The following RBM44 variants were observed in gnomAD, a reference collection of about 807,000 sequenced individuals.
The protein encoded by RBM44 is RNA binding motif protein 44.
In RBM44, 66 loss-of-function variants were observed where a neutral mutation model predicts 105.1. The ratio of observed to expected loss-of-function variants is 0.63; its 90% CI spans 0.52 to 0.77. The LOEUF (loss-of-function observed/expected upper bound fraction) is 0.77. RBM44 is among the 30% of genes least tolerant of loss of function. The pLI, the probability that RBM44 is intolerant of heterozygous loss-of-function variation, is 0.00. For synonymous variants in RBM44, 365 were observed against 417.6 expected, an observed-to-expected ratio of 0.87 and a Z score of 1.54; for missense variants, 1,122 against 1,207.8, an observed-to-expected ratio of 0.93 and a Z score of 1.05.
At chr2:237,821,398 T>G in intron 7 of RBM44, 30 bp downstream of exon 7, 1 of 1,492,498 alleles carries the variant, frequency 6.7e-7, no homozygotes. Context: ...GATTTATAAT[T>G]CATTAGATCC....
intron 13 of RBM44, 29 bp downstream of exon 13, chr2:237,829,531 G>A (rs766824872): frequency 1.3e-6 from 2 of 1,580,056 alleles, no homozygotes; most frequent in Non-Finnish European, 1.7e-6. Context: ...TCCCTTAAAT[G>A]GTCTTTGTAC....
At chr2:237,821,411 A>G in intron 7 of RBM44, 43 bp downstream of exon 7, 1 of 1,417,750 alleles carries the variant, frequency 7.1e-7, no homozygotes, top group Non-Finnish European at 9.6e-7. Flanking sequence ...TTAGATCCTA[A>G]AAATTGCTTA....
chr2:237,823,863 A>G (rs1299503726), intron 9 of RBM44, among the ~76,000 whole-genome samples: 1 of 152,182 alleles, frequency 6.6e-6, no homozygotes, highest in Non-Finnish European at 1.5e-5. Context: ...ACATGAAAAG[A>G]GATTATGATC....
chr2:237,827,574 A>G, intron 12 of RBM44, 71 bp downstream of exon 12: 2 of 870,912 alleles, frequency 2.3e-6, no homozygotes, highest in Non-Finnish European at 3.7e-6. Context: ...TATACCAGAT[A>G]TCAGCCACAG....
rs1230743387 is a variant in RBM44, at chr2:237,820,336, G to A, written c.1898G>A (p.Arg633Lys). 6.3e-7 allele frequency: 1 copy of A among 1,583,770 alleles called. No individual in the cohort carries two copies. Among genetic ancestry groups the A allele is most frequent in the Non-Finnish European group, 8.6e-7 (1 of 1,162,608 alleles). ...CDIYKLVMEN[R>K]EGLNMNLSSN... The stretch of plus-strand genomic sequence containing the variant: ...ATTTACAAACTTGTCATGGAAAATA[G>A]GGAAGGATTAAATATGTGTTTATTA... Residue 633 changes from arginine (R) to lysine (K), a missense_variant, in exon 5 of 16, where the codon AGG (arginine) becomes AAG (lysine). Coordinates refer to ENST00000316997, the MANE Select transcript of RBM44 (RefSeq NM_001080504.3).
chr2:237,816,916 C>T, intron 2 of RBM44, 77 bp from the exon 3 acceptor site: 1 of 886,036 alleles, frequency 1.1e-6, no homozygotes, highest in South Asian at 2.2e-5. Flanking sequence ...GAGCTTAAAC[C>T]AGATCATGTC....
At position 237,818,314 on chromosome 2, in the gene RBM44, T is replaced by G; in HGVS notation, c.1395T>G (p.Asn465Lys). 6.2e-7 allele frequency: 1 copy of G among 1,613,398 alleles called. No individual in the cohort carries two copies. Among genetic ancestry groups the G allele is most frequent in the African/African-American group, 1.3e-5 (1 of 75,016 alleles). The change falls in exon 3 of 16, where the codon AAT (asparagine) becomes AAG (lysine). Residue 465 changes from asparagine to lysine, a missense_variant. Transcript: ENST00000316997. This position sits in a 1 kb window ranked among gnomAD's most constrained non-coding sequence, Gnocchi z 4.6. ...TDAASCTVTI[N>K]QTVDVSTDFR... ...CAGCAAGTTGTACAGTCACAATTAA[T>G]CAGACAGTGGACGTTAGCACTGATT...
chr2:237,827,389 TG>T, intron 11 of RBM44, 43 bp from the exon 12 acceptor site: 2 of 1,459,986 alleles, frequency 1.4e-6, no homozygotes, highest in Non-Finnish European at 1.9e-6. Flanking sequence ...TCATATTTGT[TG>T]TTTTTTTCTA....
intron 1 of RBM44, among the ~76,000 whole-genome samples, chr2:237,802,750 TCA>T (rs2061558497): frequency 6.6e-6 from 1 of 152,186 alleles, no homozygotes; most frequent in Non-Finnish European, 1.5e-5. Flanking sequence ...GAAAACAGGC[TCA>T]GTCATTACTG....
chr2:237,804,082 C>A (rs1287435337), intron 1 of RBM44, among the ~76,000 whole-genome samples: 1 of 152,042 alleles, frequency 6.6e-6, no homozygotes, highest in Admixed American at 6.6e-5. Context: ...GTTGGCCAGG[C>A]TGGTCTCAAA....
intron 1 of RBM44, among the ~76,000 whole-genome samples, 163 bp downstream of exon 1, chr2:237,799,024 C>T (rs2061516063): frequency 6.6e-6 from 1 of 151,768 alleles, no homozygotes; most frequent in Non-Finnish European, 1.5e-5. Context: ...GCGGTGTAGG[C>T]GAGGCCAGCG....
At position 237,817,083 on chromosome 2, in the gene RBM44, ATTC is replaced by A; in HGVS notation, c.168_170del (p.Ser57del). ...TTGACTTTTCCTGATGATGACTGGAATTCTTCGACACTAGAGCAAAGAGCTAAT... is the reference window on the plus strand; with the variant it reads ...TTGACTTTTCCTGATGATGACTGGAATTCGACACTAGAGCAAAGAGCTAAT... On this transcript the variant is annotated inframe_deletion, in exon 3 of 16. Transcript: ENST00000316997. 6.2e-7 allele frequency: 1 copy of A among 1,605,698 alleles called. No individual in the cohort carries two copies. The highest frequency in any genetic ancestry group is 1.1e-5 in the South Asian group (1 of 90,174).
At chr2:237,838,629 T>A (rs577306686) in intron 15 of RBM44, among the ~76,000 whole-genome samples, 1 of 152,318 alleles carries the variant, frequency 6.6e-6, no homozygotes, top group Admixed American at 6.5e-5. Flanking sequence ...GAGTAAGATG[T>A]TCTGTGTTGG....
chr2:237,823,312 T>C lies in RBM44; in HGVS notation c.2206-128T>C, dbSNP rs192460061. The stretch of plus-strand genomic sequence containing the variant: ...TCTCTCACATGTCAGGTCAGGTTGA[T>C]AATGTTTTCCTTTCAGAGCCCTCAT... On this transcript the variant is annotated intron_variant, in intron 8 of 15. Coordinates refer to ENST00000316997, the MANE Select transcript of RBM44 (RefSeq NM_001080504.3). 223 of 544,054 alleles carry C rather than the reference T, an allele frequency of 4.1e-4. 2 individuals carry two copies. Among genetic ancestry groups the C allele is most frequent in the African/African-American group, 4.1e-3 (212 of 51,934 alleles). The allele number at this position is 544,054 out of a possible 1,614,324, so 33.7% of individuals were successfully genotyped here.
Position 237,803,324 on chromosome 2 carries a change from CT to C in RBM44, c.-19+4464del, listed in dbSNP as rs769860152. Reference sequence around the variant, plus strand: ...CGAGACACACACACACACACATACTCTCTCTCTCACACACACACACATACTT... The same window carrying C: ...CGAGACACACACACACACACATACTCCTCTCTCACACACACACACATACTT... On this transcript the variant is annotated intron_variant, in intron 1 of 15. Transcript: ENST00000316997. This position sits in a 1 kb window ranked among gnomAD's most constrained non-coding sequence, Gnocchi z 4.2. Among the ~76,000 whole-genome samples the C allele has an allele frequency of 1.6e-4, 24 of 150,730 alleles. No individual in the cohort carries two copies. Among genetic ancestry groups the C allele is most frequent in the Non-Finnish European group, 3.2e-4 (22 of 67,852 alleles).
In RBM44 at chr2:237,818,229, C is replaced by T. The variant is rs1338161480; in HGVS notation, c.1310C>T (p.Thr437Ile). The part of the protein sequence containing the change: ...NTSLKVAHSS[T>I]TKKTCFHNIG... ...TCCCTAAAAGTTGCTCATAGCAGTACCACAAAGAAAACATGCTTTCACAAT... is the reference window on the plus strand; with the variant it reads ...TCCCTAAAAGTTGCTCATAGCAGTATCACAAAGAAAACATGCTTTCACAAT... The change falls in exon 3 of 16, where the codon ACC becomes ATC. Residue 437 changes from threonine (T) to isoleucine (I), a missense_variant. Coordinates refer to ENST00000316997, the MANE Select transcript of RBM44 (RefSeq NM_001080504.3). The surrounding 1 kb of genome is among the most constrained non-coding windows in gnomAD (Gnocchi z 4.6). 3 of 1,612,932 alleles carry T rather than the reference C, an allele frequency of 1.9e-6. No individual in the cohort carries two copies. The highest frequency in any genetic ancestry group is 2.7e-5 in the African/African-American group (2 of 74,856).
chr2:237,817,215 T>C lies in RBM44; in HGVS notation c.296T>C (p.Leu99Pro). ...AGTACTCAGTTTCAGTCAAGTGAACTTGAAGACAGTACTGACTATGCTTTC... is the reference window on the plus strand; with the variant it reads ...AGTACTCAGTTTCAGTCAAGTGAACCTGAAGACAGTACTGACTATGCTTTC... ...TESTQFQSSE[L>P]EDSTDYAFLN... is the part of the protein sequence containing the mutation. The change falls in exon 3 of 16, where the codon CTT becomes CCT. Residue 99 changes from leucine (L) to proline (P), a missense_variant. By Grantham distance (98) the Leu-to-Pro change is moderately conservative. Coordinates refer to ENST00000316997, the MANE Select transcript of RBM44 (RefSeq NM_001080504.3). 1 of 1,602,184 alleles carries C rather than the reference T, an allele frequency of 6.2e-7. No individual in the cohort carries two copies. The highest frequency in any genetic ancestry group is 1.7e-4 in the Middle Eastern group (1 of 5,966).
Position 237,834,090 on chromosome 2 carries a change from A to G in RBM44, c.2980A>G (p.Ser994Gly), listed in dbSNP as rs2061932058. 5 of 1,582,690 alleles carry G rather than the reference A, an allele frequency of 3.2e-6. No individual in the cohort carries two copies. Among genetic ancestry groups the G allele is most frequent in the Non-Finnish European group, 3.4e-6 (4 of 1,162,398 alleles). Residue 994 changes from serine (S) to glycine (G), a missense_variant, in exon 14 of 16, where the codon AGC (serine) becomes GGC (glycine). Physicochemically the swap from Ser to Gly is moderately conservative, Grantham distance 56. Around this residue, in one of 3 missense-constraint regions of RBM44, gnomAD observed 194 missense variants for 225.5 expected, o/e 0.86. Transcript: ENST00000316997. ...FIPPNTLNLR[S>G]FTKIIKRLAE... ...ACCTCCAAATACATTGAACCTTCGT[A>G]GCTTTACCAAGATCATAAAGAGACT...
At chr2:237,826,085 A>G (rs1163590919) in intron 10 of RBM44, among the ~76,000 whole-genome samples, 2 of 152,148 alleles carry the variant, frequency 1.3e-5, no homozygotes, top group African/African-American at 2.4e-5. Context: ...TGATGTGTAT[A>G]AAGTGCTTGC....
Sources: gnomAD v4.1 joint callset for allele counts (sites outside exome capture counted in the v4.1 genomes callset) on GRCh38, gnomAD v4.1.1 for gene constraint, gnomAD v4.1.1 regional missense constraint, Gnocchi (gnomAD v3.1) non-coding constraint, MANE v1.5 for transcripts, NCBI Gene and HGNC (gene_info 2026-07-23, HGNC 2026-07-21) for gene names.